Variants in DYSF observed in about 807,000 individuals in gnomAD.
The protein encoded by DYSF is dysferlin.
A neutral mutation model predicts 274.9 loss-of-function variants in DYSF; 212 were observed. That is an observed-to-expected ratio of 0.77 (90% CI 0.69 to 0.86). The LOEUF (loss-of-function observed/expected upper bound fraction) is 0.86. DYSF is among the 40% of genes least tolerant of loss of function. DYSF has a pLI of 0.00. For missense variants in DYSF, 2,666 were observed against 2,783.2 expected (o/e 0.96, Z 0.95); for synonymous variants, 1,091 against 1,078.7 (o/e 1.01, Z -0.22).
chr2:71,501,425 G>A (rs1385893778), intron 3 of DYSF, among the ~76,000 whole-genome samples: 3 of 152,230 alleles, frequency 2.0e-5, no homozygotes, highest in Admixed American at 6.5e-5. Flanking sequence ...ATGATAAATC[G>A]ACATAAACGC....
At chr2:71,620,524 T>C in intron 40 of DYSF, 23 bp from the exon 41 acceptor site, 1 of 1,551,764 alleles carries the variant, frequency 6.4e-7, no homozygotes, top group South Asian at 1.2e-5. Flanking sequence ...ATCCTGTTGC[T>C]AACCAGCATG....
At chr2:71,572,386 TAGAC>T (rs1159532242) in intron 29 of DYSF, among the ~76,000 whole-genome samples, 7 of 152,138 alleles carry the variant, frequency 4.6e-5, no homozygotes, top group Admixed American at 2.0e-4. Flanking sequence ...CAGATGCTTA[TAGAC>T]AGACACACTC....
At chr2:71,573,950 G>A (rs919261478) in intron 29 of DYSF, among the ~76,000 whole-genome samples, 1 of 152,056 alleles carries the variant, frequency 6.6e-6, no homozygotes, top group Non-Finnish European at 1.5e-5. Flanking sequence ...AGCCTCCCTG[G>A]TAGCTGGGAT....
At chr2:71,618,594 T>TGG (rs2094001324) in intron 40 of DYSF, among the ~76,000 whole-genome samples, 2 of 58,672 alleles carry the variant, frequency 3.4e-5, no homozygotes, top group African/African-American at 4.5e-5. Flanking sequence ...TGTGTGTGTG[T>TGG]GGTAGAGGTG....
rs2090940937 is a variant in DYSF, at chr2:71,551,499, C to A, written c.1693-108C>A. ...AGGGGGGATGAGGTTGGCTGAGGGA[C>A]CTCCTGGGTGCCTGAGAGATGAGCT... On this transcript the variant is annotated intron_variant, in intron 18 of 55. Coordinates refer to ENST00000410020, the MANE Select transcript of DYSF (RefSeq NM_001130987.2). 8.6e-6 allele frequency: 8 copies of A among 934,148 alleles called. No homozygotes were observed. In the South Asian group the frequency reaches 8.7e-5, roughly 10 times the overall value. The allele number at this position is 934,148 out of a possible 1,614,324, so 57.9% of individuals were successfully genotyped here. A position where few individuals can be genotyped will look rare whatever the true frequency, so the allele number is the denominator to read the frequency against.
intron 32 of DYSF, among the ~76,000 whole-genome samples, chr2:71,593,692 A>G (rs1223664134): frequency 3.3e-5 from 5 of 152,300 alleles, no homozygotes; most frequent in African/African-American, 7.2e-5. Context: ...GAAGGTGTCA[A>G]TTTGGCCCCC....
intron 41 of DYSF, among the ~76,000 whole-genome samples, chr2:71,635,402 G>A (rs2094383658): frequency 6.6e-6 from 1 of 152,152 alleles, no homozygotes; most frequent in Admixed American, 6.5e-5. Context: ...TGACAGAACT[G>A]CAATTATGTC....
At chr2:71,523,989 C>T (rs1034936126) in intron 12 of DYSF, among the ~76,000 whole-genome samples, 3 of 152,176 alleles carry the variant, frequency 2.0e-5, no homozygotes, top group African/African-American at 7.2e-5. Context: ...AGCCTAGTTT[C>T]CCAATCCCAC....
At position 71,519,076 on chromosome 2, in the gene DYSF, G is replaced by C. The variant is rs182403686; in HGVS notation, c.1003-1102G>C. 3.6e-3 allele frequency among the ~76,000 whole-genome samples: 430 copies of C among 118,412 alleles called. 1 individual carries two copies. Among genetic ancestry groups the C allele is most frequent in the African/African-American group, 0.014 (405 of 29,806 alleles). 77.7% of individuals were successfully genotyped at this position (118,412 alleles called of 152,430 possible). A position where few individuals can be genotyped will look rare whatever the true frequency, so the allele number is the denominator to read the frequency against. ...CCATTGCACTCCAGCCTGGATGACA[G>C]AGCGACACTCCATCTCAAAAAAAAA... On this transcript the variant is annotated intron_variant, in intron 10 of 55. Transcript: ENST00000410020.
chr2:71,519,650 T>TC (rs1274044178), intron 10 of DYSF, among the ~76,000 whole-genome samples: 1 of 151,524 alleles, frequency 6.6e-6, no homozygotes, highest in Non-Finnish European at 1.5e-5. Context: ...TTTCCTTTCC[T>TC]CTTTTTTTTT....
chr2:71,527,076 A>T (rs1028069200), intron 13 of DYSF, among the ~76,000 whole-genome samples: 1 of 152,220 alleles, frequency 6.6e-6, no homozygotes, highest in African/African-American at 2.4e-5. Flanking sequence ...ACCTGGGCTG[A>T]TAGTAGAATT....
chr2:71,569,857 G>A lies in DYSF; in HGVS notation c.2902G>A (p.Val968Met), dbSNP rs568348073. The part of the protein sequence containing the change: ...HDMDAGHLSF[V>M]EEVFENQTRL... ...CATGGACGCCGGTCACCTGAGCTTC[G>A]TGGAAGAGGTGTTTGAGAACCAGAC... The change falls in exon 27 of 56, where the codon GTG (valine) becomes ATG (methionine). Residue 968 changes from valine (V) to methionine (M), a missense_variant. This residue lies in a region of DYSF where 412 missense variants were observed against 504.0 expected (regional missense o/e 0.82). Coordinates refer to ENST00000410020, the MANE Select transcript of DYSF (RefSeq NM_001130987.2). 8.7e-6 allele frequency: 14 copies of A among 1,614,112 alleles called. No individual in the cohort carries two copies. The highest frequency in any genetic ancestry group is 4.4e-5 in the South Asian group (4 of 91,056).
At chr2:71,658,737 T>G (rs1466050921) in intron 43 of DYSF, 141 bp from the exon 44 acceptor site, 3 of 951,220 alleles carry the variant, frequency 3.2e-6, no homozygotes. Context: ...CCCCCATGAT[T>G]CAATTATCTC....
At position 71,568,256 on chromosome 2, in the gene DYSF, A is replaced by G. The variant is rs1324029651; in HGVS notation, c.2782A>G (p.Lys928Glu). Residue 928 changes from lysine (K) to glutamate (E), a missense_variant, in exon 26 of 56, where the codon AAG (lysine) becomes GAG (glutamate). Physicochemically the swap from Lys to Glu is moderately conservative, Grantham distance 56. Coordinates refer to ENST00000410020, the MANE Select transcript of DYSF (RefSeq NM_001130987.2). ...CCCCAAGTTTTCTGACGTCACGGGC[A>G]AGATCAAGCTACCCAAGGACAGCTT... ...TYPKFSDVTG[K>E]IKLPKDSFRP... 2 of 1,614,128 alleles carry G rather than the reference A, an allele frequency of 1.2e-6. No homozygotes were observed. The highest frequency in any genetic ancestry group is 1.1e-5 in the South Asian group (1 of 91,090).
chr2:71,608,059 C>A (rs972116075), intron 36 of DYSF, among the ~76,000 whole-genome samples: 1 of 151,812 alleles, frequency 6.6e-6, no homozygotes, highest in Non-Finnish European at 1.5e-5. Flanking sequence ...GGTTAGCTGG[C>A]CAGATGCTGC....
chr2:71,612,527 A>C, intron 38 of DYSF, 114 bp from the exon 39 acceptor site: 1 of 1,512,386 alleles, frequency 6.6e-7, no homozygotes, highest in Non-Finnish European at 9.0e-7. Flanking sequence ...ACCATTTTGG[A>C]TTTCTGGCTG....
chr2:71,631,122 A>G (rs183298933), intron 41 of DYSF, among the ~76,000 whole-genome samples: 1 of 152,340 alleles, frequency 6.6e-6, no homozygotes, highest in East Asian at 1.9e-4. Flanking sequence ...ACTTTGAAGC[A>G]AAGGTTTTCT....
At chr2:71,666,701 A>G (rs931672253) in intron 47 of DYSF, among the ~76,000 whole-genome samples, 3 of 152,226 alleles carry the variant, frequency 2.0e-5, no homozygotes, top group African/African-American at 7.2e-5. Context: ...ACCTGGGGAC[A>G]GGCACCTAGG....
chr2:71,565,950 G>A (rs891454666), intron 24 of DYSF, among the ~76,000 whole-genome samples: 1 of 152,226 alleles, frequency 6.6e-6, no homozygotes, highest in African/African-American at 2.4e-5. Flanking sequence ...GCCAACTCAA[G>A]GCCAGGGATA....
Sources: gnomAD v4.1 joint callset for allele counts (sites outside exome capture counted in the v4.1 genomes callset) on GRCh38, gnomAD v4.1.1 for gene constraint, gnomAD v4.1.1 regional missense constraint, MANE v1.5 for transcripts, NCBI Gene and HGNC (gene_info 2026-07-23, HGNC 2026-07-21) for gene names.